KCNMA1: variants seen among roughly 807,000 people sequenced by gnomAD.
The protein encoded by KCNMA1 is potassium calcium-activated channel subfamily M alpha 1.
Under a neutral mutation model 140.0 loss-of-function variants are expected in KCNMA1, and 29 were observed. That is an observed-to-expected ratio of 0.21 (90% CI 0.15 to 0.28). KCNMA1 has a LOEUF of 0.28. Ranked by LOEUF, KCNMA1 falls within the 10% of genes least tolerant of loss-of-function variation. KCNMA1 has a pLI of 1.00. For missense variants in KCNMA1, 880 were observed against 1,602.2 expected, an observed-to-expected ratio of 0.55 and a Z score of 7.70; for synonymous variants, 612 against 611.9, an observed-to-expected ratio of 1.00 and a Z score of 0.00.
At chr10:77,543,006 A>ACTCTCTCTCTTTCTCTCTCTCTCATT (rs11272342) in intron 1 of KCNMA1, among the ~76,000 whole-genome samples, 63 of 149,468 alleles carry the variant, frequency 4.2e-4, no homozygotes, top group Admixed American at 8.7e-4. Flanking sequence ...AACAATCAAG[A>ACTCTCTCTCTTTCTCTCTCTCTCATT]CTCTCTCTCT....
chr10:77,144,108 C>T (rs1244941994), intron 5 of KCNMA1, among the ~76,000 whole-genome samples: 1 of 152,114 alleles, frequency 6.6e-6, no homozygotes, highest in Non-Finnish European at 1.5e-5. Flanking sequence ...TCCACAAAAT[C>T]ATTTGTACAA....
At chr10:77,441,878 G>T (rs1252110991) in intron 1 of KCNMA1, among the ~76,000 whole-genome samples, 1 of 151,878 alleles carries the variant, frequency 6.6e-6, no homozygotes, top group Non-Finnish European at 1.5e-5. Context: ...ACAAAGAGAG[G>T]GTCCCTAGTT....
At chr10:77,187,372 G>A (rs2098877852) in intron 3 of KCNMA1, among the ~76,000 whole-genome samples, 1 of 152,188 alleles carries the variant, frequency 6.6e-6, no homozygotes. Flanking sequence ...TGGCCACAGT[G>A]AGAGGGCTTG....
intron 2 of KCNMA1, among the ~76,000 whole-genome samples, chr10:77,272,441 C>G (rs2065416479): frequency 6.6e-6 from 1 of 152,088 alleles, no homozygotes; most frequent in South Asian, 2.1e-4. Context: ...GTGTATATGT[C>G]TTATCTCCCC....
intron 20 of KCNMA1, among the ~76,000 whole-genome samples, chr10:76,955,197 CTTT>C (rs60670000): frequency 7.8e-5 from 11 of 141,124 alleles, no homozygotes; most frequent in Non-Finnish European, 1.1e-4. Flanking sequence ...TTTCTTTTTT[CTTT>C]TTTTTTTTTT....
chr10:77,525,140 G>T (rs2055105839), intron 1 of KCNMA1, among the ~76,000 whole-genome samples: 1 of 152,194 alleles, frequency 6.6e-6, no homozygotes, highest in Non-Finnish European at 1.5e-5. Flanking sequence ...AAAATAAGAT[G>T]AAAACAATAC....
intron 1 of KCNMA1, among the ~76,000 whole-genome samples, chr10:77,623,080 G>C (rs1386113376): frequency 2.0e-5 from 3 of 152,222 alleles, no homozygotes; most frequent in African/African-American, 7.2e-5. Flanking sequence ...TTAAAGCCCT[G>C]CCTAGAATTT....
intron 20 of KCNMA1, among the ~76,000 whole-genome samples, chr10:76,960,769 C>T (rs2071037836): frequency 6.6e-6 from 1 of 151,970 alleles, no homozygotes; most frequent in South Asian, 2.1e-4. Context: ...AAGTCACCAG[C>T]TGCATTAGTT....
chr10:77,587,687 C>G (rs1274364836), intron 1 of KCNMA1: 3 of 985,204 alleles, frequency 3.0e-6, no homozygotes, highest in Non-Finnish European at 3.6e-6. Context: ...AGGTACACAT[C>G]AGATCTGCTC....
At chr10:76,900,970 A>C (rs968290561) in intron 25 of KCNMA1, among the ~76,000 whole-genome samples, 1 of 151,916 alleles carries the variant, frequency 6.6e-6, no homozygotes, top group Non-Finnish European at 1.5e-5. Context: ...ATGTACAATA[A>C]TTTTTATTAC....
At chr10:77,031,876 G>T (rs997562977) in intron 15 of KCNMA1, among the ~76,000 whole-genome samples, 3 of 152,196 alleles carry the variant, frequency 2.0e-5, no homozygotes, top group Non-Finnish European at 4.4e-5. Context: ...ATAAATAAAT[G>T]CATGTATGAA....
At chr10:77,136,970 C>G (rs2098052078) in intron 5 of KCNMA1, among the ~76,000 whole-genome samples, 1 of 152,148 alleles carries the variant, frequency 6.6e-6, no homozygotes, top group African/African-American at 2.4e-5. Context: ...ACTTGCTGCC[C>G]AGGGCCTGAA....
At chr10:77,525,990 G>A (rs910585227) in intron 1 of KCNMA1, among the ~76,000 whole-genome samples, 9 of 152,168 alleles carry the variant, frequency 5.9e-5, no homozygotes, top group Non-Finnish European at 7.3e-5. Context: ...GAGAAGTATC[G>A]GGGGCTTTGG....
At chr10:77,008,956 G>A (rs2089996545) in intron 18 of KCNMA1, among the ~76,000 whole-genome samples, 3 of 152,198 alleles carry the variant, frequency 2.0e-5, no homozygotes, top group South Asian at 2.1e-4. Context: ...CCTACATGGG[G>A]AGGTTTATTT....
intron 20 of KCNMA1, among the ~76,000 whole-genome samples, chr10:76,960,203 A>G (rs2070486823): frequency 6.6e-6 from 1 of 152,184 alleles, no homozygotes; most frequent in South Asian, 2.1e-4. Flanking sequence ...CTCACCCTCC[A>G]GTGTCCACAG....
intron 1 of KCNMA1, among the ~76,000 whole-genome samples, chr10:77,449,116 TA>T (rs906927245): frequency 2.2e-4 from 32 of 146,490 alleles, no homozygotes; most frequent in African/African-American, 4.5e-4. Flanking sequence ...GCCATTGAAA[TA>T]AAAAAAAATC....
intron 2 of KCNMA1, among the ~76,000 whole-genome samples, chr10:77,384,493 T>G (rs947461987): frequency 1.3e-5 from 2 of 152,194 alleles, no homozygotes; most frequent in Non-Finnish European, 2.9e-5. Flanking sequence ...CCCATTATGA[T>G]GAAAGCACAT....
chr10:77,005,112 T>C (rs1302900385), intron 18 of KCNMA1, among the ~76,000 whole-genome samples: 1 of 152,164 alleles, frequency 6.6e-6, no homozygotes, highest in Non-Finnish European at 1.5e-5. Flanking sequence ...TAATACAAAG[T>C]AGATCTATGA....
At chr10:77,292,018 G>T (rs10824515) in intron 2 of KCNMA1, among the ~76,000 whole-genome samples, 1 of 152,100 alleles carries the variant, frequency 6.6e-6, no homozygotes. Flanking sequence ...TTGAACTAAG[G>T]GATGAAAGTT....
Sources: gnomAD v4.1 joint callset for allele counts (sites outside exome capture counted in the v4.1 genomes callset) on GRCh38, gnomAD v4.1.1 for gene constraint, MANE v1.5 for transcripts, NCBI Gene and HGNC (gene_info 2026-07-23, HGNC 2026-07-21) for gene names.